Variants in TMEM156 observed in about 807,000 individuals in gnomAD.
The protein encoded by TMEM156 is transmembrane protein 156.
TMEM156 carries 28 observed loss-of-function variants against 30.5 expected under a neutral mutation model. The ratio of observed to expected loss-of-function variants is 0.92; its 90% CI spans 0.68 to 1.26. The LOEUF is 1.26. Among genes scored for constraint, TMEM156 ranks in the 50% most tolerant of loss-of-function variants. The pLI is 0.00. For missense variants in TMEM156, 351 were observed against 340.6 expected, an observed-to-expected ratio of 1.03 and a Z score of -0.24; for synonymous variants, 137 against 119.9, an observed-to-expected ratio of 1.14 and a Z score of -0.93.
chr4:39,027,722 C>T (rs1715288938), intron 1 of TMEM156, among the ~76,000 whole-genome samples: 1 of 148,592 alleles, frequency 6.7e-6, no homozygotes, highest in Non-Finnish European at 1.5e-5. Context: ...CCATGCCCAG[C>T]TAATTTTCCT....
chr4:39,001,336 G>A (rs774057654), intron 1 of TMEM156, among the ~76,000 whole-genome samples: 13 of 148,728 alleles, frequency 8.7e-5, no homozygotes, highest in Non-Finnish European at 1.5e-4. Flanking sequence ...GCAGTGAACC[G>A]AGATCGTGCC....
chr4:39,031,905 AT>A (rs1577599576), intron 1 of TMEM156, among the ~76,000 whole-genome samples: 19 of 129,208 alleles, frequency 1.5e-4, no homozygotes, highest in Middle Eastern at 4.1e-3. Flanking sequence ...AAATAAAAAA[AT>A]AAAAAAAAAC....
Position 38,988,963 on chromosome 4 carries a change from AG to A in TMEM156, c.626del (p.Thr209IlefsTer4), listed in dbSNP as rs752717586. The A allele has an allele frequency of 6.2e-7, 1 of 1,610,652 alleles. No homozygotes were observed. Among genetic ancestry groups the A allele is most frequent in the East Asian group, 2.2e-5 (1 of 44,808 alleles). ...LHLEMDIKNITCSMKITWYIL... is the reference protein window; with the variant it reads ...LHLEMDIKNIXCSMKITWYIL... ...TATACCAAGTGATCTTCATGGAACA[AG>A]TGATATCTGTAAAGAAAACAAATAC... On this transcript the variant is annotated frameshift_variant, in exon 4 of 7. Transcript: ENST00000381938. LOFTEE classifies it high-confidence loss of function.
chr4:39,019,851 A>G (rs984451261), intron 1 of TMEM156, among the ~76,000 whole-genome samples: 5 of 152,174 alleles, frequency 3.3e-5, no homozygotes, highest in African/African-American at 9.7e-5. Context: ...TATATAATCC[A>G]TTATTATTAG....
In TMEM156 at chr4:38,986,401, G is replaced by A. The variant is rs768065261; in HGVS notation, c.758C>T (p.Thr253Ile). The A allele has an allele frequency of 1.9e-6, 3 of 1,613,024 alleles. No homozygotes were observed. The highest frequency in any genetic ancestry group is 1.3e-5 in the African/African-American group (1 of 75,010). Residue 253 changes from threonine (T) to isoleucine (I), a missense_variant, in exon 5 of 7, where the codon ACA (threonine) becomes ATA (isoleucine). Transcript: ENST00000381938. ...QKWQSHRDKP[T>I]SVLLRGSDSE... ...ATCACTTCCTCTTAAGAGAACAGAT[G>A]TAGGTTTGTCTCTATGACCTATTCC...
chr4:39,017,365 G>A, intron 1 of TMEM156, among the ~76,000 whole-genome samples: 1 of 151,480 alleles, frequency 6.6e-6, no homozygotes. Context: ...TTTTTTAGTA[G>A]AGACGGGGTT....
rs1393287410 is a variant in TMEM156 at position 38,986,893 on chromosome 4, C to T, written c.740-474G>A. The stretch of plus-strand genomic sequence containing the variant: ...TATACACAGAAAAGTATATTTTTAT[C>T]TTATTATATACATAGATATGATGTG... On this transcript the variant is annotated intron_variant, in intron 4 of 6. Transcript: ENST00000381938. Among the ~76,000 whole-genome samples, 3 of 123,596 alleles carry T rather than the reference C, an allele frequency of 2.4e-5. No homozygotes were observed. The Admixed American group carries it at 2.9e-4, about 12-fold the overall frequency. 81.1% of individuals were successfully genotyped at this position (123,596 alleles called of 152,430 possible).
chr4:38,992,172 G>A (rs1577535149), intron 3 of TMEM156, among the ~76,000 whole-genome samples: 1 of 152,164 alleles, frequency 6.6e-6, no homozygotes, highest in African/African-American at 2.4e-5. Context: ...GCTTCCGTAT[G>A]TCTGGAATAT....
chr4:38,979,070 C>T (rs1202134793), intron 5 of TMEM156, among the ~76,000 whole-genome samples: 1 of 152,242 alleles, frequency 6.6e-6, no homozygotes, highest in East Asian at 1.9e-4. Context: ...CTGTATTTCT[C>T]TCAATTGTAT....
intron 2 of TMEM156, among the ~76,000 whole-genome samples, chr4:38,996,080 C>CA: frequency 6.6e-6 from 1 of 151,908 alleles, no homozygotes; most frequent in Non-Finnish European, 1.5e-5. Context: ...AACTCAATTG[C>CA]AAAAAATATA....
At chr4:39,022,952 C>T (rs944924572) in intron 1 of TMEM156, among the ~76,000 whole-genome samples, 1 of 152,168 alleles carries the variant, frequency 6.6e-6, no homozygotes, top group African/African-American at 2.4e-5. Context: ...AGAGAAACAT[C>T]TGTCAGCTTC....
chr4:39,013,389 A>G (rs1714259969), intron 1 of TMEM156, among the ~76,000 whole-genome samples: 1 of 116,148 alleles, frequency 8.6e-6, no homozygotes, highest in Non-Finnish European at 1.6e-5. Context: ...TTATTTATTT[A>G]TTTATTTATT....
intron 5 of TMEM156, among the ~76,000 whole-genome samples, chr4:38,982,987 A>T (rs552148450): frequency 1.4e-4 from 21 of 152,296 alleles, no homozygotes; most frequent in Non-Finnish European, 2.5e-4. Flanking sequence ...TGGCACCTGG[A>T]GTACCACTGT....
At chr4:39,018,751 T>C (rs911192903) in intron 1 of TMEM156, among the ~76,000 whole-genome samples, 1 of 152,214 alleles carries the variant, frequency 6.6e-6, no homozygotes, top group Non-Finnish European at 1.5e-5. Flanking sequence ...CCGGGCACGA[T>C]GGCTCACACC....
rs969195512 is a variant in TMEM156, at chr4:39,006,685, G to A, written c.89-7776C>T. 2.6e-5 allele frequency among the ~76,000 whole-genome samples: 4 copies of A among 152,118 alleles called. No individual in the cohort carries two copies. The South Asian group carries it at 8.3e-4, about 31-fold the overall frequency. ...TAATCCCAGCCCTTTGGGAGGCCAAGGTGGGTGGGTCACTTGAGTCCAGGA... is the reference window on the plus strand; with the variant it reads ...TAATCCCAGCCCTTTGGGAGGCCAAAGTGGGTGGGTCACTTGAGTCCAGGA... On this transcript the variant is annotated intron_variant, in intron 1 of 6. Transcript: ENST00000381938.
intron 1 of TMEM156, among the ~76,000 whole-genome samples, chr4:39,002,446 C>T (rs1448653466): frequency 7.6e-6 from 1 of 132,064 alleles, no homozygotes. Context: ...GGACTGTAAA[C>T]TAGTTCAACC....
At chr4:39,020,749 CATG>C (rs1402862043) in intron 1 of TMEM156, among the ~76,000 whole-genome samples, 2 of 151,950 alleles carry the variant, frequency 1.3e-5, no homozygotes, top group Non-Finnish European at 2.9e-5. Context: ...GGGGCTTCAC[CATG>C]TTGGCCAGGA....
chr4:38,973,700 C>T (rs1009718263), intron 5 of TMEM156, among the ~76,000 whole-genome samples: 4 of 152,142 alleles, frequency 2.6e-5, no homozygotes, highest in African/African-American at 9.7e-5. Flanking sequence ...ACTTAACTAA[C>T]TGTGTTGACT....
intron 1 of TMEM156, among the ~76,000 whole-genome samples, chr4:39,011,753 A>G (rs930940389): frequency 9.2e-5 from 14 of 152,190 alleles, no homozygotes; most frequent in Non-Finnish European, 1.6e-4. Flanking sequence ...AGCCTGGACA[A>G]CAGAGTGAGA....
Sources: allele counts gnomAD v4.1 joint callset (sites outside exome capture counted in the v4.1 genomes callset), GRCh38; gene constraint gnomAD v4.1.1; transcripts MANE v1.5; gene names NCBI Gene and HGNC (gene_info 2026-07-23, HGNC 2026-07-21).